Variants in CPLX2 observed in about 807,000 individuals in gnomAD.
CPLX2 encodes complexin 2.
Under a neutral mutation model 16.3 loss-of-function variants are expected in CPLX2, and 5 were observed. The ratio of observed to expected loss-of-function variants is 0.31; its 90% confidence interval spans 0.16 to 0.64. The LOEUF is 0.64. Among genes scored for constraint, CPLX2 ranks in the 30% least tolerant of loss-of-function variants. CPLX2 has a pLI of 0.79. For synonymous variants in CPLX2, 89 were observed against 73.2 expected (o/e 1.22, Z -1.10); for missense variants, 144 against 181.4 (o/e 0.79, Z 1.18).
chr5:175,835,716 T>C (rs975534145), intron 2 of CPLX2, among the ~76,000 whole-genome samples: 3 of 147,996 alleles, frequency 2.0e-5, no homozygotes, highest in Admixed American at 1.4e-4. Context: ...TATTTATTTA[T>C]TTATTTATTT....
intron 2 of CPLX2, among the ~76,000 whole-genome samples, chr5:175,841,792 T>C (rs1333621386): frequency 1.3e-5 from 2 of 152,164 alleles, no homozygotes; most frequent in African/African-American, 4.8e-5. Flanking sequence ...CCTGCCTGGG[T>C]GGGAGTGACC....
At chr5:175,839,055 A>G (rs761110682) in intron 2 of CPLX2, among the ~76,000 whole-genome samples, 7 of 152,112 alleles carry the variant, frequency 4.6e-5, no homozygotes, top group Admixed American at 1.3e-4. Flanking sequence ...GGGGCACTCC[A>G]TAAGCATTTT....
intron 2 of CPLX2, among the ~76,000 whole-genome samples, chr5:175,843,041 C>T (rs1758974613): frequency 6.6e-6 from 1 of 152,318 alleles, no homozygotes; most frequent in Middle Eastern, 3.4e-3. Flanking sequence ...GCTAGGATTA[C>T]AGCAGGCTTG....
chr5:175,840,203 G>A (rs1758921175), intron 2 of CPLX2, among the ~76,000 whole-genome samples: 1 of 150,158 alleles, frequency 6.7e-6, no homozygotes, highest in Non-Finnish European at 1.5e-5. Context: ...TAAAACATAT[G>A]TTTTTTTTTC....
rs947455570 is a variant in CPLX2 at position 175,881,186 on chromosome 5, A to T, written c.*1141A>T. The T allele has an allele frequency of 1.3e-5, 2 of 153,218 alleles. No homozygotes were observed. The highest frequency in any genetic ancestry group is 2.9e-5 in the Non-Finnish European group (2 of 68,166). The allele number at this position is 153,218 out of a possible 1,614,324, so 9.5% of individuals were successfully genotyped here. ...GAAGAGGGGTCACATGAGGGAGGAAACTGTATCCATGCATGCATGATAATG... is the reference window on the plus strand; with the variant it reads ...GAAGAGGGGTCACATGAGGGAGGAATCTGTATCCATGCATGCATGATAATG... On this transcript the variant is annotated 3_prime_UTR_variant, in exon 4 of 4. Coordinates refer to ENST00000393745, the MANE Select transcript of CPLX2 (RefSeq NM_001008220.2).
chr5:175,863,371 G>A (rs926798838), intron 2 of CPLX2, among the ~76,000 whole-genome samples: 40 of 152,338 alleles, frequency 2.6e-4, no homozygotes, highest in African/African-American at 8.7e-4. Flanking sequence ...TGGCCACCTG[G>A]AGAGAGACAC....
Position 175,883,310 on chromosome 5 carries a change from A to C in CPLX2, c.*3265A>C, listed in dbSNP as rs1269041130. 5 of 152,330 alleles carry C rather than the reference A, an allele frequency of 3.3e-5. No homozygotes were observed. The highest frequency in any genetic ancestry group is 2.6e-4 in the Admixed American group (4 of 15,286). 9.4% of individuals were successfully genotyped at this position (152,330 alleles called of 1,614,324 possible). A position where few individuals can be genotyped will look rare whatever the true frequency, so the allele number is the denominator to read the frequency against. Reference sequence around the variant, plus strand: ...CATGGACGTCCTCCCCTCCAAATCCAGAAGCTCCCAGAAGGTGTCCTTAAC... The same window carrying C: ...CATGGACGTCCTCCCCTCCAAATCCCGAAGCTCCCAGAAGGTGTCCTTAAC... On this transcript the variant is annotated 3_prime_UTR_variant, in exon 4 of 4. Coordinates refer to ENST00000393745, the MANE Select transcript of CPLX2 (RefSeq NM_001008220.2).
rs529195323 is a variant in CPLX2 at position 175,835,903 on chromosome 5, TAA to T, written c.-89+26836_-89+26837del. Among the ~76,000 whole-genome samples the T allele has an allele frequency of 1.6e-4, 24 of 152,056 alleles. No homozygotes were observed. In the East Asian group the frequency reaches 4.3e-3, roughly 27 times the overall value. On this transcript the variant is annotated intron_variant, in intron 2 of 4. Transcript: ENST00000359546. Reference sequence around the variant, plus strand: ...ACAGGTGTGCACCATCACGCCTAGCTAAGTTTCATATTTTTAGTAGAGATGGG... The same window carrying T: ...ACAGGTGTGCACCATCACGCCTAGCTGTTTCATATTTTTAGTAGAGATGGG...
At position 175,823,136 on chromosome 5, in the gene CPLX2, G is replaced by A. The variant is rs575086296; in HGVS notation, c.-89+14068G>A. 6.6e-5 allele frequency among the ~76,000 whole-genome samples: 10 copies of A among 152,300 alleles called. No individual in the cohort carries two copies. The South Asian group carries it at 8.3e-4, about 13-fold the overall frequency. ...TGCTTCCCCTATTATCATATTTTTC[G>A]TGTTTATTATACTATTCTATTTGCT... On this transcript the variant is annotated intron_variant, in intron 2 of 4. Transcript: ENST00000359546.
chr5:175,863,114 A>C (rs1457802532), intron 2 of CPLX2, among the ~76,000 whole-genome samples: 1 of 152,218 alleles, frequency 6.6e-6, no homozygotes, highest in Non-Finnish European at 1.5e-5. Context: ...CTGGAAGTGC[A>C]CAAAGGCCTA....
intron 1 of CPLX2, among the ~76,000 whole-genome samples, chr5:175,873,474 C>A (rs759473455): frequency 4.6e-5 from 7 of 152,050 alleles, no homozygotes; most frequent in Non-Finnish European, 1.0e-4. Flanking sequence ...CTGGTCCTGT[C>A]CTGAGAGGAG....
At chr5:175,817,808 CA>C (rs996386908) in intron 2 of CPLX2, among the ~76,000 whole-genome samples, 1 of 152,026 alleles carries the variant, frequency 6.6e-6, no homozygotes, top group African/African-American at 2.4e-5. Flanking sequence ...TTCTGGTTCA[CA>C]AAAGGAAACA....
At chr5:175,853,627 G>A (rs981721342) in intron 2 of CPLX2, among the ~76,000 whole-genome samples, 1 of 152,170 alleles carries the variant, frequency 6.6e-6, no homozygotes, top group Non-Finnish European at 1.5e-5. Flanking sequence ...TATGAAAATA[G>A]CAACTTGAAC....
At chr5:175,831,674 C>T (rs1275737184) in intron 2 of CPLX2, among the ~76,000 whole-genome samples, 3 of 152,178 alleles carry the variant, frequency 2.0e-5, no homozygotes, top group African/African-American at 7.2e-5. Context: ...CAAGAGAGGC[C>T]AGGCATGGCC....
Position 175,879,138 on chromosome 5 carries a change from T to C in CPLX2, c.207+55T>C, listed in dbSNP as rs530072651. On this transcript the variant is annotated intron_variant, in intron 3 of 3. Coordinates refer to ENST00000393745, the MANE Select transcript of CPLX2 (RefSeq NM_001008220.2). ...GAGGGCCACAAGCGGGTAAAACCGG[T>C]CCAGCTAAAGCCCCTGCTGGGGCTC... 5 of 1,514,046 alleles carry C rather than the reference T, an allele frequency of 3.3e-6. No individual in the cohort carries two copies. The African/African-American group carries it at 6.9e-5, about 21-fold the overall frequency. 93.8% of individuals were successfully genotyped at this position (1,514,046 alleles called of 1,614,324 possible). A position where few individuals can be genotyped will look rare whatever the true frequency, so the allele number is the denominator to read the frequency against.
intron 2 of CPLX2, among the ~76,000 whole-genome samples, chr5:175,862,170 T>C (rs1759385363): frequency 1.3e-5 from 2 of 152,310 alleles, no homozygotes; most frequent in Middle Eastern, 3.4e-3. Context: ...ACAAGATGAG[T>C]CCCTGGCATA....
At chr5:175,824,658 C>T (rs186147646) in intron 2 of CPLX2, among the ~76,000 whole-genome samples, 3 of 152,232 alleles carry the variant, frequency 2.0e-5, no homozygotes, top group African/African-American at 7.2e-5. Flanking sequence ...GAGCCAGCAC[C>T]TTCATTGTGC....
chr5:175,835,726 TAC>T (rs1488319956), intron 2 of CPLX2, among the ~76,000 whole-genome samples: 5 of 80,828 alleles, frequency 6.2e-5, no homozygotes, highest in African/African-American at 1.3e-4. Flanking sequence ...TTTATTTATT[TAC>T]TTTTTTTTTT....
intron 2 of CPLX2, among the ~76,000 whole-genome samples, chr5:175,857,594 C>T (rs1000648596): frequency 6.6e-6 from 1 of 152,108 alleles, no homozygotes; most frequent in Non-Finnish European, 1.5e-5. Flanking sequence ...TATAATAAAG[C>T]GTTGGATATA....
Sources: gnomAD v4.1 joint callset for allele counts (sites outside exome capture counted in the v4.1 genomes callset) on GRCh38, gnomAD v4.1.1 for gene constraint, MANE v1.5 for transcripts, NCBI Gene and HGNC (gene_info 2026-07-23, HGNC 2026-07-21) for gene names.